Variants in RECK observed in about 807,000 individuals in gnomAD.
RECK encodes reversion-inducing cysteine-rich protein with Kazal motifs.
Under a neutral mutation model 115.1 loss-of-function variants are expected in RECK, and 69 were observed. The ratio of observed to expected loss-of-function variants is 0.60; its 90% CI spans 0.49 to 0.73. The LOEUF is 0.73. Among genes scored for constraint, RECK ranks in the 30% least tolerant of loss-of-function variants. The probability of loss-of-function intolerance (pLI) is 0.00; values close to 1 mark genes in which losing one functional copy is unlikely to be tolerated. For synonymous variants in RECK, 414 were observed against 419.7 expected (o/e 0.99, Z 0.17); for missense variants, 1,047 against 1,203.7 (o/e 0.87, Z 1.93).
chr9:36,058,727 A>G (rs1201217761), intron 2 of RECK, 100 bp from the exon 3 acceptor site: 4 of 465,392 alleles, frequency 8.6e-6, no homozygotes, highest in East Asian at 4.4e-5. Flanking sequence ...AAGTTGGAAA[A>G]TATTCTAGAC....
chr9:36,113,029 A>G (rs16932943), intron 16 of RECK, among the ~76,000 whole-genome samples: 3,908 of 152,278 alleles, frequency 0.026, 179 homozygotes, highest in African/African-American at 0.088. Context: ...TAGAAATTGG[A>G]CATGAGAAAT....
rs377258060 is a variant in RECK at position 36,083,558 on chromosome 9, G to A, written c.633G>A (p.Thr211=). 11 of 1,612,242 alleles carry A rather than the reference G, an allele frequency of 6.8e-6. No individual in the cohort carries two copies. Among genetic ancestry groups the A allele is most frequent in the East Asian group, 2.2e-5 (1 of 44,852 alleles). The change falls in exon 8 of 21, where the codon ACG becomes ACA. Residue 211 remains threonine, a synonymous_variant. Transcript: ENST00000377966. ...AATCTTATCCAATGAGGAACCCAAC[G>A]GATAGTAAGTAAAAGGGACATATTC... ...YTQSYPMRNP[T]DSLYCCDRAE... is the part of the protein sequence containing the mutation.
Position 36,117,031 on chromosome 9 carries a change from G to T in RECK, c.2107G>T (p.Gly703Ter). Reference protein sequence around the residue: ...QVCLTTFDKFGCSQYECVPRQ... With the variant: ...QVCLTTFDKF ...CTGCCTGACGACTTTTGATAAATTT[G>T]GATGTAGCCAGTATGAGTGTGTACC... is the stretch of plus-strand genomic sequence containing the variant. Residue 703 changes from glycine (G) to a stop codon, truncating the protein, a stop_gained, in exon 17 of 21, where the codon GGA (glycine) becomes TGA (stop). Coordinates refer to ENST00000377966, the MANE Select transcript of RECK (RefSeq NM_021111.3). LOFTEE classifies it high-confidence loss of function. 1 of 1,613,326 alleles carries T rather than the reference G, an allele frequency of 6.2e-7. No homozygotes were observed. Among genetic ancestry groups the T allele is most frequent in the Non-Finnish European group, 8.5e-7 (1 of 1,179,560 alleles).
At chr9:36,096,332 T>G (rs1368126150) in intron 10 of RECK, among the ~76,000 whole-genome samples, 7 of 150,534 alleles carry the variant, frequency 4.7e-5, no homozygotes, top group Non-Finnish European at 8.9e-5. Context: ...ACGTCAAGAG[T>G]TCAAGACCAG....
intron 1 of RECK, among the ~76,000 whole-genome samples, chr9:36,041,375 C>T (rs1172549293): frequency 6.6e-6 from 1 of 152,118 alleles, no homozygotes; most frequent in Non-Finnish European, 1.5e-5. Flanking sequence ...CTTTTAGATC[C>T]TTTGTTTAGA....
At chr9:36,080,091 A>G (rs1210326673) in intron 6 of RECK, among the ~76,000 whole-genome samples, 1 of 152,216 alleles carries the variant, frequency 6.6e-6, no homozygotes, top group Non-Finnish European at 1.5e-5. Context: ...TTTAAAATTT[A>G]GATTTCTGTG....
intron 12 of RECK, 22 bp downstream of exon 12, chr9:36,102,252 T>C: frequency 1.3e-6 from 2 of 1,570,304 alleles, no homozygotes; most frequent in South Asian, 1.2e-5. Context: ...TTTGTATGTG[T>C]GTTTTTAGAT....
chr9:36,066,730 T>C, intron 6 of RECK: 1 of 1,125,906 alleles, frequency 8.9e-7, no homozygotes, highest in Non-Finnish European at 1.2e-6. Context: ...ATTCCTTCTT[T>C]TCTCCTACAT....
intron 1 of RECK, among the ~76,000 whole-genome samples, chr9:36,043,061 T>C (rs568075503): frequency 7.5e-4 from 105 of 140,094 alleles, no homozygotes; most frequent in African/African-American, 2.6e-3. Context: ...AGTCTCGCTC[T>C]GTTGCCTAGG....
chr9:36,113,573 T>C (rs1464612609), intron 16 of RECK, among the ~76,000 whole-genome samples: 1 of 152,226 alleles, frequency 6.6e-6, no homozygotes, highest in Non-Finnish European at 1.5e-5. Flanking sequence ...CTTGCTTTTA[T>C]AATAAAACAA....
At chr9:36,092,147 A>G (rs1200246154) in intron 10 of RECK, among the ~76,000 whole-genome samples, 1 of 152,186 alleles carries the variant, frequency 6.6e-6, no homozygotes, top group Admixed American at 6.5e-5. Context: ...AAAACTGGTG[A>G]TAGAGTATTA....
chr9:36,064,552 T>C (rs989761779), intron 5 of RECK, among the ~76,000 whole-genome samples: 1 of 152,190 alleles, frequency 6.6e-6, no homozygotes, highest in Non-Finnish European at 1.5e-5. Flanking sequence ...CTTCTCTTAT[T>C]TTCTTCTTCT....
rs3736884 is a variant in RECK, at chr9:36,091,260, C to T, written c.1002C>T (p.Ser334=). ...RFCEYNPVEV[S]MLTCLADVRE... ...GTGAATATAATCCAGTGGAAGTGTC[C>T]ATGTTGACCTGTTTAGCGGATGTCC... is the stretch of plus-strand genomic sequence containing the variant. Residue 334 remains serine (S), a synonymous_variant, in exon 10 of 21, where the codon TCC becomes TCT. Coordinates refer to ENST00000377966, the MANE Select transcript of RECK (RefSeq NM_021111.3). 4,090 of 1,613,120 alleles carry T rather than the reference C, an allele frequency of 2.5e-3. 115 individuals carry two copies. The East Asian group carries it at 0.07, about 27-fold the overall frequency.
chr9:36,105,668 T>C (rs906613581), intron 13 of RECK, among the ~76,000 whole-genome samples: 4 of 152,210 alleles, frequency 2.6e-5, no homozygotes, highest in African/African-American at 9.7e-5. Context: ...TACTCTACAT[T>C]GTTCATGTTT....
chr9:36,054,063 G>A (rs1243109750), intron 2 of RECK, among the ~76,000 whole-genome samples: 1 of 152,164 alleles, frequency 6.6e-6, no homozygotes, highest in Non-Finnish European at 1.5e-5. Flanking sequence ...TCGCCATCCT[G>A]ATCATGGGAG....
At position 36,037,029 on chromosome 9, in the gene RECK, G is replaced by T; in HGVS notation, c.31G>T (p.Ala11Ser). 2.1e-6 allele frequency: 3 copies of T among 1,423,028 alleles called. No homozygotes were observed. The highest frequency in any genetic ancestry group is 1.5e-5 in the African/African-American group (1 of 66,960). The allele number at this position is 1,423,028 out of a possible 1,614,324, so 88.2% of individuals were successfully genotyped here. The change falls in exon 1 of 21, where the codon GCG becomes TCG. Residue 11 changes from alanine (A) to serine (S), a missense_variant. Coordinates refer to ENST00000377966, the MANE Select transcript of RECK (RefSeq NM_021111.3). ...GACCGTCCGGGCCTCTCTGCGAGGT[G>T]CGCTGCTCCTTCTGCTGGCCGTGGC... MATVRASLRG[A>S]LLLLLAVAGV...
chr9:36,099,158 C>A (rs530072662), intron 10 of RECK, among the ~76,000 whole-genome samples: 126 of 151,936 alleles, frequency 8.3e-4, no homozygotes, highest in Non-Finnish European at 1.5e-3. Context: ...CCCACAAGGT[C>A]GAGGCTGCAG....
In RECK at chr9:36,065,587, A is replaced by T. The variant is rs1821961988; in HGVS notation, c.368A>T (p.Lys123Met). The change falls in exon 6 of 21, where the codon AAG becomes ATG. Residue 123 changes from lysine (K) to methionine (M), a missense_variant. Physicochemically the swap from Lys to Met is moderately conservative, Grantham distance 95. Transcript: ENST00000377966. ...TTTGTTGGTTTTTAGGCATCTTCAA[A>T]GAATGATATTTCCAAAGTTTGCAGA... ...CRQACKQASSKNDISKVCRKE... is the reference protein window; with the variant it reads ...CRQACKQASSMNDISKVCRKE... The T allele has an allele frequency of 6.3e-7, 1 of 1,588,748 alleles. No homozygotes were observed.
intron 5 of RECK, 80 bp downstream of exon 5, chr9:36,063,960 A>T (rs931459310): frequency 7.3e-7 from 1 of 1,363,824 alleles, no homozygotes. Flanking sequence ...GGCCTTGCCC[A>T]CCTCCTAGCT....
Sources: allele counts gnomAD v4.1 joint callset (sites outside exome capture counted in the v4.1 genomes callset), GRCh38; gene constraint gnomAD v4.1.1; transcripts MANE v1.5; gene names NCBI Gene and HGNC (gene_info 2026-07-23, HGNC 2026-07-21).